The following TLK2 variants were observed in gnomAD, a reference collection of about 807,000 sequenced individuals.
The protein encoded by TLK2 is tousled like kinase 2, also known as serine/threonine-protein kinase tousled-like 2.
In TLK2, 6 loss-of-function variants were observed where a neutral mutation model predicts 117.3. The observed-to-expected ratio is 0.05, with a 90% CI of 0.03 to 0.10. The LOEUF is 0.10. TLK2 is among the 10% of genes least tolerant of loss of function. TLK2 has a pLI of 1.00. For missense variants in TLK2, 299 were observed against 901.2 expected (o/e 0.33, Z 8.56); for synonymous variants, 257 against 316.7 (o/e 0.81, Z 2.00).
At chr17:62,507,103 C>T (rs1377923066) in intron 2 of TLK2, among the ~76,000 whole-genome samples, 1 of 151,994 alleles carries the variant, frequency 6.6e-6, no homozygotes, top group Non-Finnish European at 1.5e-5. Context: ...TGTTTTGTCA[C>T]TTATTGAAAG....
intron 7 of TLK2, among the ~76,000 whole-genome samples, chr17:62,545,707 G>A (rs1272686616): frequency 6.6e-6 from 1 of 151,900 alleles, no homozygotes; most frequent in Non-Finnish European, 1.5e-5. Context: ...TGTTGTTGTT[G>A]TTGTTGTTTA....
chr17:62,586,075 C>G (rs1264118088), intron 15 of TLK2, 60 bp from the exon 16 acceptor site: 1 of 1,282,750 alleles, frequency 7.8e-7, no homozygotes, highest in East Asian at 2.3e-5. Flanking sequence ...TAAAGCTTCA[C>G]ATCAGTTACC....
chr17:62,525,039 C>T (rs2076278869), intron 6 of TLK2, among the ~76,000 whole-genome samples: 1 of 152,150 alleles, frequency 6.6e-6, no homozygotes. Context: ...CCTGAGTAAG[C>T]TAACATAGGA....
At chr17:62,486,120 G>T (rs962151873) in intron 2 of TLK2, among the ~76,000 whole-genome samples, 6 of 151,412 alleles carry the variant, frequency 4.0e-5, no homozygotes, top group African/African-American at 1.5e-4. Flanking sequence ...GCACCCGGCT[G>T]CTAGTTCTTT....
intron 14 of TLK2, among the ~76,000 whole-genome samples, chr17:62,578,870 T>A (rs1306038030): frequency 6.6e-6 from 1 of 152,188 alleles, no homozygotes; most frequent in African/African-American, 2.4e-5. Flanking sequence ...GGTTGAGATA[T>A]GTTGCATATT....
intron 7 of TLK2, among the ~76,000 whole-genome samples, chr17:62,540,310 C>A (rs2077427903): frequency 6.7e-6 from 1 of 149,028 alleles, no homozygotes. Context: ...TCCTTGGAGT[C>A]ATTCTTGTCT....
At chr17:62,597,379 A>G (rs2082556463) in intron 17 of TLK2, 1 of 152,196 alleles carries the variant, frequency 6.6e-6, no homozygotes, top group Non-Finnish European at 1.5e-5. Context: ...TTGTGTGGAT[A>G]TACCACATTT....
At chr17:62,609,927 A>G (rs1163513266) in intron 21 of TLK2, among the ~76,000 whole-genome samples, 1 of 152,156 alleles carries the variant, frequency 6.6e-6, no homozygotes, top group Non-Finnish European at 1.5e-5. Context: ...ACCCTGTCTC[A>G]AAAAAAGAAA....
At position 62,487,324 on chromosome 17, in the gene TLK2, A is replaced by G. The variant is rs148992157; in HGVS notation, c.81+6118A>G. On this transcript the variant is annotated intron_variant, in intron 2 of 21. Transcript: ENST00000346027. The stretch of plus-strand genomic sequence containing the variant: ...AAAAAAAAGAAAGAAATATGATTGC[A>G]AAATGAAAGAATTGTTTCCAAGAGA... 2.0e-4 allele frequency among the ~76,000 whole-genome samples: 30 copies of G among 151,434 alleles called. No homozygotes were observed. The East Asian group carries it at 5.7e-3, about 29-fold the overall frequency.
At chr17:62,569,849 G>A (rs1369292584) in intron 11 of TLK2, among the ~76,000 whole-genome samples, 2 of 152,146 alleles carry the variant, frequency 1.3e-5, no homozygotes, top group African/African-American at 4.8e-5. Context: ...ACCATAAACT[G>A]GGTAGTTTAA....
intron 2 of TLK2, among the ~76,000 whole-genome samples, chr17:62,513,291 T>C (rs2145312015): frequency 6.6e-6 from 1 of 151,860 alleles, no homozygotes; most frequent in African/African-American, 2.4e-5. Context: ...GTCTCTTTTT[T>C]TCAATTTATG....
At chr17:62,579,642 A>C (rs527286276) in intron 14 of TLK2, among the ~76,000 whole-genome samples, 1 of 152,342 alleles carries the variant, frequency 6.6e-6, no homozygotes, top group African/African-American at 2.4e-5. Context: ...TAAAGAGAGA[A>C]TAATGAATGC....
At chr17:62,579,471 TGTAAA>T (rs1214459867) in intron 14 of TLK2, among the ~76,000 whole-genome samples, 2 of 152,194 alleles carry the variant, frequency 1.3e-5, no homozygotes, top group East Asian at 3.8e-4. Context: ...TTAAAATCCA[TGTAAA>T]GTAATTTCAG....
upstream of TLK2, chr17:62,477,598 C>G (rs2071094388): frequency 6.6e-6 from 1 of 152,198 alleles, no homozygotes; most frequent in Non-Finnish European, 1.5e-5. Context: ...AAGTTCAAGG[C>G]TGTTGTTCAA....
At chr17:62,607,397 C>T (rs1357137075) in intron 20 of TLK2, among the ~76,000 whole-genome samples, 1 of 150,754 alleles carries the variant, frequency 6.6e-6, no homozygotes, top group African/African-American at 2.4e-5. Flanking sequence ...GGCGTGGTGG[C>T]GGGTGCCTGT....
chr17:62,495,260 G>A (rs1388212482), intron 2 of TLK2, among the ~76,000 whole-genome samples: 2 of 151,934 alleles, frequency 1.3e-5, no homozygotes, highest in Non-Finnish European at 2.9e-5. Context: ...AGTCTAGCCC[G>A]CGCAACAGGA....
chr17:62,553,576 C>A (rs898726858), intron 8 of TLK2, 87 bp from the exon 9 acceptor site: 25 of 895,902 alleles, frequency 2.8e-5, no homozygotes, highest in East Asian at 2.5e-5. Flanking sequence ...CTTTTTCCCA[C>A]CCCCCCGAGA....
Position 62,594,832 on chromosome 17 carries a change from C to A in TLK2, c.1461-1753C>A, listed in dbSNP as rs747317677. Among the ~76,000 whole-genome samples, 304 of 144,094 alleles carry A rather than the reference C, an allele frequency of 2.1e-3. 1 individual carries two copies. The highest frequency in any genetic ancestry group is 3.5e-3 in the Non-Finnish European group (226 of 65,446). 94.5% of individuals were successfully genotyped at this position (144,094 alleles called of 152,430 possible). A position where few individuals can be genotyped will look rare whatever the true frequency, so the allele number is the denominator to read the frequency against. ...CACACACACACACACACACACACAC[C>A]CCATGTGGGTATGCCGGTGAACCCA... On this transcript the variant is annotated intron_variant, in intron 16 of 21. Transcript: ENST00000346027.
chr17:62,598,252 C>A (rs1361441127), intron 17 of TLK2, among the ~76,000 whole-genome samples: 1 of 152,194 alleles, frequency 6.6e-6, no homozygotes, highest in Non-Finnish European at 1.5e-5. Flanking sequence ...GTAGACCCCC[C>A]TCTCTGAACT....
Sources: allele counts gnomAD v4.1 joint callset (sites outside exome capture counted in the v4.1 genomes callset), GRCh38; gene constraint gnomAD v4.1.1; transcripts MANE v1.5; gene names NCBI Gene and HGNC (gene_info 2026-07-23, HGNC 2026-07-21).